KIF3B: variants seen among roughly 807,000 people sequenced by gnomAD.
The protein encoded by KIF3B is kinesin-like protein KIF3B.
In KIF3B, 38 loss-of-function variants were observed where a neutral mutation model predicts 74.3. That is an observed-to-expected ratio of 0.51 (90% CI 0.39 to 0.67). The LOEUF is 0.67. KIF3B is among the 30% of genes least tolerant of loss of function. KIF3B has a pLI of 0.00. For synonymous variants in KIF3B, 326 were observed against 342.5 expected (o/e 0.95, Z 0.53); for missense variants, 649 against 932.0 (o/e 0.70, Z 3.95).
chr20:32,288,411 A>G (rs1243695882), intron 1 of KIF3B, among the ~76,000 whole-genome samples: 1 of 152,152 alleles, frequency 6.6e-6, no homozygotes. Context: ...CAAGCCCAGG[A>G]GTTCAAGGCT....
chr20:32,311,441 T>TAAAA (rs2047800328), intron 2 of KIF3B, among the ~76,000 whole-genome samples: 8 of 12 alleles, frequency 0.67, 4 homozygotes, highest in Non-Finnish European at 1. Flanking sequence ...CAGCAACGCC[T>TAAAA]GTAATCCCAG....
chr20:32,289,518 A>T (rs1164284836), intron 1 of KIF3B, among the ~76,000 whole-genome samples: 1 of 152,112 alleles, frequency 6.6e-6, no homozygotes, highest in African/African-American at 2.4e-5. Context: ...ACACTTATTA[A>T]GCTCCCTTTC....
rs2047946535 is a variant in KIF3B, at chr20:32,334,572, A to G, written c.*3253A>G. On this transcript the variant is annotated 3_prime_UTR_variant, in exon 9 of 9. Transcript: ENST00000375712. ...AGGCGTACTGGAGACAACACCTCAGACCATCTGAACCCCATCAGTGGACGA... is the reference window on the plus strand; with the variant it reads ...AGGCGTACTGGAGACAACACCTCAGGCCATCTGAACCCCATCAGTGGACGA... The G allele has an allele frequency of 6.6e-6, 1 of 152,608 alleles. No individual in the cohort carries two copies. Among genetic ancestry groups the G allele is most frequent in the Non-Finnish European group, 1.5e-5 (1 of 68,040 alleles). The allele number at this position is 152,608 out of a possible 1,614,324, so 9.5% of individuals were successfully genotyped here. A position where few individuals can be genotyped will look rare whatever the true frequency, so the allele number is the denominator to read the frequency against.
intron 1 of KIF3B, among the ~76,000 whole-genome samples, chr20:32,307,187 C>T (rs2047775806): frequency 6.6e-6 from 1 of 152,102 alleles, no homozygotes; most frequent in Admixed American, 6.6e-5. Flanking sequence ...CAGAGTGGTA[C>T]GTTTGTTATA....
intron 1 of KIF3B, among the ~76,000 whole-genome samples, chr20:32,305,436 C>T (rs2047765237): frequency 6.6e-6 from 1 of 152,070 alleles, no homozygotes; most frequent in Non-Finnish European, 1.5e-5. Flanking sequence ...CGGTAAAGTA[C>T]TCTGACCTGC....
chr20:32,298,201 C>A (rs2047725568), intron 1 of KIF3B, among the ~76,000 whole-genome samples: 2 of 151,904 alleles, frequency 1.3e-5, no homozygotes, highest in Non-Finnish European at 2.9e-5. Context: ...TTTGGAAGTC[C>A]AGGGTGGGTG....
At chr20:32,326,289 G>A (rs1262112313) in intron 5 of KIF3B, among the ~76,000 whole-genome samples, 1 of 152,122 alleles carries the variant, frequency 6.6e-6, no homozygotes, top group Non-Finnish European at 1.5e-5. Context: ...CAGTTAGAAT[G>A]GGAAATTTTC....
chr20:32,285,093 G>C (rs1392925011), intron 1 of KIF3B, among the ~76,000 whole-genome samples: 2 of 115,104 alleles, frequency 1.7e-5, no homozygotes, highest in Non-Finnish European at 3.5e-5. Context: ...AATTTTAAAT[G>C]ATGACCAAAA....
chr20:32,326,706 A>G (rs887663560), intron 5 of KIF3B, 65 bp from the exon 6 acceptor site: 13 of 720,050 alleles, frequency 1.8e-5, no homozygotes, highest in African/African-American at 1.8e-4. Flanking sequence ...CATGCATGAG[A>G]CCAGATAGCT....
At chr20:32,288,339 A>C (rs2047676525) in intron 1 of KIF3B, among the ~76,000 whole-genome samples, 1 of 151,912 alleles carries the variant, frequency 6.6e-6, no homozygotes, top group Admixed American at 6.6e-5. Flanking sequence ...ACATATGAAA[A>C]TTTACCCGGG....
chr20:32,300,063 G>A (rs930178347), intron 1 of KIF3B, among the ~76,000 whole-genome samples: 1 of 151,002 alleles, frequency 6.6e-6, no homozygotes, highest in African/African-American at 2.5e-5. Context: ...GGTGAGAGCC[G>A]CCACACTGGC....
chr20:32,331,075 T>C, intron 8 of KIF3B, 148 bp from the exon 9 acceptor site: 5 of 677,118 alleles, frequency 7.4e-6, no homozygotes, highest in Non-Finnish European at 5.2e-6. Context: ...CCCCAAAGGT[T>C]CAGGCTGTGC....
chr20:32,287,781 AT>A (rs2047673888), intron 1 of KIF3B, among the ~76,000 whole-genome samples: 1 of 151,630 alleles, frequency 6.6e-6, no homozygotes, highest in Non-Finnish European at 1.5e-5. Context: ...TAAGAGAACA[AT>A]TCTAAATAAG....
At chr20:32,323,071 TA>T (rs1569208517) in intron 5 of KIF3B, among the ~76,000 whole-genome samples, 3 of 65,302 alleles carry the variant, frequency 4.6e-5, no homozygotes, top group East Asian at 8.4e-4. Flanking sequence ...TATATATATT[TA>T]TATATTTATA....
Position 32,309,715 on chromosome 20 carries a change from C to A in KIF3B, c.-63C>A. 6.4e-7 allele frequency: 1 copy of A among 1,550,466 alleles called. No homozygotes were observed. Among genetic ancestry groups the A allele is most frequent in the South Asian group, 1.2e-5 (1 of 80,040 alleles). ...ATTTACTTTTGCTTTTTCTCTAGGA[C>A]CGTAGCATCCTGAGACATTTTGAAT... On this transcript the variant is annotated splice_region_variant and 5_prime_UTR_variant, in exon 2 of 9. Coordinates refer to ENST00000375712, the MANE Select transcript of KIF3B (RefSeq NM_004798.4).
At chr20:32,329,366 T>C (rs2047919633) in intron 7 of KIF3B, among the ~76,000 whole-genome samples, 1 of 151,318 alleles carries the variant, frequency 6.6e-6, no homozygotes, top group Admixed American at 6.6e-5. Context: ...TTTTTTTTTT[T>C]TGAGGCAGGA....
At chr20:32,315,088 G>A (rs1258446873) in intron 2 of KIF3B, among the ~76,000 whole-genome samples, 1 of 152,136 alleles carries the variant, frequency 6.6e-6, no homozygotes, top group Non-Finnish European at 1.5e-5. Flanking sequence ...CCTAGCCCAG[G>A]CCTAGACCCC....
At chr20:32,313,048 T>A (rs765108545) in intron 2 of KIF3B, among the ~76,000 whole-genome samples, 2 of 152,194 alleles carry the variant, frequency 1.3e-5, no homozygotes, top group Non-Finnish European at 2.9e-5. Flanking sequence ...CTCATGCTAC[T>A]TTCTTATAGT....
At chr20:32,317,075 AG>A (rs1352515086) in intron 5 of KIF3B, among the ~76,000 whole-genome samples, 1 of 152,028 alleles carries the variant, frequency 6.6e-6, no homozygotes, top group East Asian at 1.9e-4. Flanking sequence ...GTCTCTACTA[AG>A]AAATACAAAA....
Sources: allele counts gnomAD v4.1 joint callset (sites outside exome capture counted in the v4.1 genomes callset), GRCh38; gene constraint gnomAD v4.1.1; transcripts MANE v1.5; gene names NCBI Gene and HGNC (gene_info 2026-07-23, HGNC 2026-07-21).